SENP5: variants seen among roughly 807,000 people sequenced by gnomAD.
SENP5 encodes sentrin-specific protease 5.
A neutral mutation model predicts 74.2 loss-of-function variants in SENP5; 21 were observed. The observed-to-expected ratio is 0.28, with a 90% confidence interval of 0.20 to 0.41. The LOEUF is 0.41. Ranked by LOEUF, SENP5 falls within the 10% of genes least tolerant of loss-of-function variation. SENP5 has a pLI of 1.00. For missense variants in SENP5, 717 were observed against 889.1 expected (o/e 0.81, Z 2.46); for synonymous variants, 311 against 312.7 (o/e 0.99, Z 0.06).
rs755901733 is a variant in SENP5 at position 196,899,975 on chromosome 3, A to T, written c.1671A>T (p.Lys557Asn). The T allele has an allele frequency of 3.1e-6, 5 of 1,614,144 alleles. No individual in the cohort carries two copies. The South Asian group carries it at 5.5e-5, about 18-fold the overall frequency. ...CAAACTATCGGGCCAGACATCAAAA[A>T]TGTAACTTCCGTATCTTCTATAATA... ...EITNYRARHQ[K>N]CNFRIFYNKH... Residue 557 changes from lysine (K) to asparagine (N), a missense_variant, in exon 4 of 10, where the codon AAA becomes AAT. By Grantham distance (94) the Lys-to-Asn change is moderately conservative. Coordinates refer to ENST00000323460, the MANE Select transcript of SENP5 (RefSeq NM_152699.5).
At chr3:196,930,640 C>G (rs767065828) in intron 9 of SENP5, among the ~76,000 whole-genome samples, 173 bp from the exon 10 acceptor site, 2 of 152,096 alleles carry the variant, frequency 1.3e-5, no homozygotes, top group Non-Finnish European at 2.9e-5. Context: ...GAAACCAACC[C>G]CCTCTCCCCC....
At chr3:196,902,642 T>C (rs1341962995) in intron 5 of SENP5, among the ~76,000 whole-genome samples, 1 of 152,202 alleles carries the variant, frequency 6.6e-6, no homozygotes, top group Non-Finnish European at 1.5e-5. Flanking sequence ...AGAACCACAG[T>C]GCTAAGGGAA....
At chr3:196,869,035 A>G (rs1184492314) in intron 1 of SENP5, among the ~76,000 whole-genome samples, 5 of 152,010 alleles carry the variant, frequency 3.3e-5, no homozygotes, top group Non-Finnish European at 1.5e-5. Context: ...AGCCATCCAC[A>G]TGTCTCACGC....
chr3:196,896,149 G>A (rs975571629), intron 2 of SENP5, among the ~76,000 whole-genome samples: 1 of 152,006 alleles, frequency 6.6e-6, no homozygotes, highest in African/African-American at 2.4e-5. Context: ...TTTTTTAATT[G>A]ATTAGTTTAA....
intron 6 of SENP5, chr3:196,914,422 T>C (rs1715265799): frequency 6.6e-6 from 1 of 151,114 alleles, no homozygotes; most frequent in Non-Finnish European, 1.5e-5. Context: ...AGGGGTAAAA[T>C]ATTGTGATTG....
Position 196,886,434 on chromosome 3 carries a change from C to G in SENP5, c.1253C>G (p.Ala418Gly). 1 of 1,610,476 alleles carries G rather than the reference C, an allele frequency of 6.2e-7. No individual in the cohort carries two copies. Among genetic ancestry groups the G allele is most frequent in the Non-Finnish European group, 8.5e-7 (1 of 1,177,740 alleles). ...DDRVKLSVSG[A>G]DTSVSSVDGP... is the part of the protein sequence containing the mutation. ...AGAGTAAAACTGTCAGTGTCTGGAG[C>G]AGATACATCTGTGAGTAGCGTAGAT... Residue 418 changes from alanine (A) to glycine (G), a missense_variant, in exon 2 of 10, where the codon GCA becomes GGA. By Grantham distance (60) the Ala-to-Gly change is moderately conservative (BLOSUM62 0). This residue lies in a region of SENP5 where 567 missense variants were observed against 577.4 expected (regional missense o/e 0.98). Transcript: ENST00000323460.
intron 6 of SENP5, among the ~76,000 whole-genome samples, 170 bp from the exon 7 acceptor site, chr3:196,923,244 A>G (rs1382497211): frequency 1.3e-5 from 2 of 152,250 alleles, no homozygotes; most frequent in Admixed American, 1.3e-4. Context: ...ATTATAGCTT[A>G]ATAGTTACAA....
intron 2 of SENP5, among the ~76,000 whole-genome samples, chr3:196,897,685 A>G (rs187668548): frequency 6.6e-6 from 1 of 152,338 alleles, no homozygotes. Context: ...TTGGAGTTAC[A>G]AAGGGAGCTG....
At chr3:196,896,613 C>T (rs1334485796) in intron 2 of SENP5, among the ~76,000 whole-genome samples, 2 of 152,102 alleles carry the variant, frequency 1.3e-5, no homozygotes, top group Non-Finnish European at 2.9e-5. Context: ...CTAACATGCC[C>T]GGCTAATTTT....
intron 2 of SENP5, among the ~76,000 whole-genome samples, chr3:196,889,820 G>A (rs34891788): frequency 0.19 from 28,759 of 152,220 alleles, 3,486 homozygotes; most frequent in Non-Finnish European, 0.24. Context: ...ATTAGTACAG[G>A]GAAGTGGTGT....
chr3:196,884,048 T>G (rs938174847), intron 1 of SENP5, among the ~76,000 whole-genome samples: 1 of 152,230 alleles, frequency 6.6e-6, no homozygotes, highest in Non-Finnish European at 1.5e-5. Flanking sequence ...CAAATACCAC[T>G]TAAGACTGAT....
chr3:196,920,312 G>A (rs550281882), intron 6 of SENP5, among the ~76,000 whole-genome samples: 1 of 152,048 alleles, frequency 6.6e-6, no homozygotes, highest in South Asian at 2.1e-4. Context: ...TTTCTGAATT[G>A]GCTATGAACA....
intron 2 of SENP5, among the ~76,000 whole-genome samples, chr3:196,891,743 GAGCT>G (rs1714207529): frequency 6.6e-6 from 1 of 152,198 alleles, no homozygotes; most frequent in South Asian, 2.1e-4. Context: ...AGGTTGAAGT[GAGCT>G]ATGGTAGCTC....
At chr3:196,907,904 A>AAAAAAG (rs1714970325) in intron 6 of SENP5, among the ~76,000 whole-genome samples, 1 of 145,536 alleles carries the variant, frequency 6.9e-6, no homozygotes, top group Non-Finnish European at 1.5e-5. Context: ...AAAAAAAAAA[A>AAAAAAG]AAACCCAGGT....
rs2108872307 is a variant in SENP5 at position 196,932,811 on chromosome 3, CTTGT to C, written c.*1889_*1892del. 8.6e-6 allele frequency: 1 copy of C among 116,144 alleles called. No individual in the cohort carries two copies. Among genetic ancestry groups the C allele is most frequent in the South Asian group, 2.9e-4 (1 of 3,412 alleles). 7.2% of individuals were successfully genotyped at this position (116,144 alleles called of 1,614,324 possible). On this transcript the variant is annotated 3_prime_UTR_variant, in exon 10 of 10. Transcript: ENST00000323460. ...TCACTGGGCTGTCAGTTCAAAATGT[CTTGT>C]ACTTCAGAGTGAGGAAGTGTTTCAG...
At position 196,886,039 on chromosome 3, in the gene SENP5, C is replaced by T; in HGVS notation, c.858C>T (p.Gly286=). The T allele has an allele frequency of 6.2e-7, 1 of 1,614,134 alleles. No individual in the cohort carries two copies. The highest frequency in any genetic ancestry group is 8.5e-7 in the Non-Finnish European group (1 of 1,180,026). The change falls in exon 2 of 10, where the codon GGC becomes GGT. Residue 286 remains glycine (G), a synonymous_variant. Coordinates refer to ENST00000323460, the MANE Select transcript of SENP5 (RefSeq NM_152699.5). ...QETRRENGEG[G]SCSPFPSPEP... is the part of the protein sequence containing the mutation. The stretch of plus-strand genomic sequence containing the variant: ...CCCGTAGGGAGAACGGTGAGGGTGG[C>T]AGTTGCAGCCCATTTCCTTCCCCAG...
At chr3:196,908,113 TC>T (rs1714981026) in intron 6 of SENP5, among the ~76,000 whole-genome samples, 1 of 151,976 alleles carries the variant, frequency 6.6e-6, no homozygotes, top group African/African-American at 2.4e-5. Flanking sequence ...AGACCCCGTT[TC>T]TATAAAAAAT....
At position 196,886,035 on chromosome 3, in the gene SENP5, G is replaced by T. The variant is rs769895575; in HGVS notation, c.854G>T (p.Gly285Val). The change falls in exon 2 of 10, where the codon GGT becomes GTT. Residue 285 changes from glycine to valine, a missense_variant. This residue lies in a region of SENP5 where 567 missense variants were observed against 577.4 expected (regional missense o/e 0.98). Transcript: ENST00000323460. ...HQETRRENGE[G>V]GSCSPFPSPE... ...GAGACCCGTAGGGAGAACGGTGAGG[G>T]TGGCAGTTGCAGCCCATTTCCTTCC... is the stretch of plus-strand genomic sequence containing the variant. The T allele has an allele frequency of 1.2e-5, 20 of 1,614,172 alleles. No homozygotes were observed. In the East Asian group the frequency reaches 4.2e-4, roughly 34 times the overall value.
chr3:196,900,315 CAACTTAACTGGCAGAG>C, intron 4 of SENP5, 34 bp from the exon 5 acceptor site: 3 of 1,533,392 alleles, frequency 2.0e-6, no homozygotes, highest in Non-Finnish European at 2.7e-6. Flanking sequence ...TTTCTTTCTC[CAACTTAACTGGCAGAG>C]ATAGTAAGCT....
Sources: gnomAD v4.1 joint callset for allele counts (sites outside exome capture counted in the v4.1 genomes callset) on GRCh38, gnomAD v4.1.1 for gene constraint, gnomAD v4.1.1 regional missense constraint, MANE v1.5 for transcripts, NCBI Gene and HGNC (gene_info 2026-07-23, HGNC 2026-07-21) for gene names.